Variants in ABL1 observed in about 807,000 individuals in gnomAD.
ABL1 encodes tyrosine-protein kinase ABL1.
ABL1 carries 11 observed loss-of-function variants against 94.7 expected under a neutral mutation model. That is an observed-to-expected ratio of 0.12 (90% CI 0.07 to 0.19). ABL1 has a LOEUF of 0.19. Ranked by LOEUF, ABL1 falls within the 10% of genes least tolerant of loss-of-function variation. ABL1 has a pLI of 1.00. For synonymous variants in ABL1, 656 were observed against 622.4 expected (o/e 1.05, Z -0.80); for missense variants, 1,082 against 1,489.4 (o/e 0.73, Z 4.50).
At chr9:130,766,915 T>C (rs759677158) in intron 1 of ABL1, among the ~76,000 whole-genome samples, 10 of 152,114 alleles carry the variant, frequency 6.6e-5, no homozygotes, top group Non-Finnish European at 1.2e-4. Context: ...CCTCGATGGG[T>C]ACCCATCTCA....
In ABL1 at chr9:130,862,905, A is replaced by G. The variant is rs572239604; in HGVS notation, c.692A>G (p.Asn231Ser). ...NKPTVYGVSP[N>S]YDKWEMERTD... Reference sequence around the variant, plus strand: ...CCCACTGTCTATGGTGTGTCCCCCAACTACGACAAGTGGGAGATGGAACGC... The same window carrying G: ...CCCACTGTCTATGGTGTGTCCCCCAGCTACGACAAGTGGGAGATGGAACGC... The change falls in exon 4 of 11, where the codon AAC becomes AGC. Residue 231 changes from asparagine (N) to serine (S), a missense_variant. Transcript: ENST00000318560. This position sits in a 1 kb window ranked among gnomAD's most constrained non-coding sequence, Gnocchi z 5.5. The G allele has an allele frequency of 2.5e-5, 41 of 1,614,138 alleles. 2 individuals are homozygous for G. In the South Asian group the frequency reaches 3.8e-4, roughly 15 times the overall value.
chr9:130,856,319 C>T (rs1047094391), intron 3 of ABL1, among the ~76,000 whole-genome samples: 1 of 152,106 alleles, frequency 6.6e-6, no homozygotes, highest in Admixed American at 6.5e-5. Context: ...AACTCCTGAC[C>T]TCAGGTGATC....
intron 1 of ABL1, among the ~76,000 whole-genome samples, chr9:130,811,261 C>G (rs1830204260): frequency 1.3e-5 from 2 of 152,072 alleles, no homozygotes; most frequent in Non-Finnish European, 2.9e-5. Context: ...TGCATTCCAG[C>G]CTGGGTGACA....
intron 3 of ABL1, among the ~76,000 whole-genome samples, chr9:130,855,331 G>A (rs1830956779): frequency 1.3e-5 from 2 of 152,070 alleles, no homozygotes; most frequent in South Asian, 2.1e-4. Context: ...GAGTTTTGTT[G>A]TTAGCAAGTT....
intron 1 of ABL1, among the ~76,000 whole-genome samples, chr9:130,852,361 C>A (rs1830881619): frequency 6.6e-6 from 1 of 151,994 alleles, no homozygotes; most frequent in Non-Finnish European, 1.5e-5. Context: ...CGCCACCATG[C>A]CCGGCTAGTT....
At chr9:130,722,994 C>T (rs1831535326) in intron 1 of ABL1, among the ~76,000 whole-genome samples, 1 of 152,138 alleles carries the variant, frequency 6.6e-6, no homozygotes, top group Non-Finnish European at 1.5e-5. Context: ...CAAATAGAAG[C>T]ATTTTTTGAA....
Position 130,880,694 on chromosome 9 carries a change from G to A in ABL1, c.1678+30G>A. 1 of 1,608,476 alleles carries A rather than the reference G, an allele frequency of 6.2e-7. No homozygotes were observed. ...GTCCCCCGCTTCCCCCAACCCCACT[G>A]CTCTTCCCTTCCCTGCCAGAGGCTA... On this transcript the variant is annotated intron_variant, in intron 10 of 10. Coordinates refer to ENST00000318560, the MANE Select transcript of ABL1 (RefSeq NM_005157.6). This position sits in a 1 kb window ranked among gnomAD's most constrained non-coding sequence, Gnocchi z 4.4.
chr9:130,786,704 A>G (rs533954327), intron 1 of ABL1, among the ~76,000 whole-genome samples: 1 of 152,258 alleles, frequency 6.6e-6, no homozygotes, highest in Non-Finnish European at 1.5e-5. Flanking sequence ...CTCCTTCCCT[A>G]GTGCGGCAAG....
chr9:130,878,321 T>C, intron 7 of ABL1, 94 bp from the exon 8 acceptor site: 5 of 1,463,476 alleles, frequency 3.4e-6, no homozygotes, highest in Non-Finnish European at 4.7e-6. Context: ...GGGCCATCCC[T>C]TCTGAGGTCT....
chr9:130,728,704 A>G (rs956340817), intron 1 of ABL1, among the ~76,000 whole-genome samples: 2 of 122,360 alleles, frequency 1.6e-5, no homozygotes, highest in African/African-American at 7.1e-5. Context: ...TTTTTTTTTT[A>G]TAGTTTGTAT....
chr9:130,885,844 A>G lies in ABL1; in HGVS notation c.*161A>G. On this transcript the variant is annotated 3_prime_UTR_variant, in exon 11 of 11. Coordinates refer to ENST00000318560, the MANE Select transcript of ABL1 (RefSeq NM_005157.6). ...TGAGGGCCCTGTGGAGTCCAGCTCT[A>G]CTACCTACGTTTGCACCGCCTGCCC... 3 of 950,346 alleles carry G rather than the reference A, an allele frequency of 3.2e-6. No homozygotes were observed. Among genetic ancestry groups the G allele is most frequent in the Non-Finnish European group, 4.6e-6 (3 of 658,052 alleles). The allele number at this position is 950,346 out of a possible 1,614,324, so 58.9% of individuals were successfully genotyped here.
intron 1 of ABL1, among the ~76,000 whole-genome samples, chr9:130,726,829 C>G (rs1400183676): frequency 6.6e-6 from 1 of 152,288 alleles, no homozygotes; most frequent in East Asian, 1.9e-4. Context: ...AAATTTAGAT[C>G]GATTCCAAAC....
chr9:130,840,786 T>C (rs1830658843), intron 1 of ABL1, among the ~76,000 whole-genome samples: 1 of 152,054 alleles, frequency 6.6e-6, no homozygotes, highest in African/African-American at 2.4e-5. Flanking sequence ...CCCAAAGTGC[T>C]GGGATTACAG....
chr9:130,728,829 G>C (rs1036387565), intron 1 of ABL1, among the ~76,000 whole-genome samples: 1 of 151,982 alleles, frequency 6.6e-6, no homozygotes, highest in Non-Finnish European at 1.5e-5. Flanking sequence ...GAGTCATCTT[G>C]GGGTCTGTTT....
chr9:130,824,911 A>C (rs980771020), intron 1 of ABL1, among the ~76,000 whole-genome samples: 1 of 152,236 alleles, frequency 6.6e-6, no homozygotes, highest in African/African-American at 2.4e-5. Flanking sequence ...CTCTAAGGAC[A>C]GCAGTCATTT....
intron 1 of ABL1, among the ~76,000 whole-genome samples, chr9:130,783,528 T>C (rs555028172): frequency 5.9e-5 from 9 of 152,354 alleles, no homozygotes; most frequent in African/African-American, 2.2e-4. Context: ...TTGTTGGAAT[T>C]AGAAAGTGTC....
intron 1 of ABL1, among the ~76,000 whole-genome samples, chr9:130,784,576 T>C (rs566427101): frequency 5.3e-5 from 8 of 152,346 alleles, no homozygotes; most frequent in African/African-American, 1.9e-4. Flanking sequence ...TGTGAGATTT[T>C]TGTGGAGGTG....
At chr9:130,792,359 A>G (rs1342361537) in intron 1 of ABL1, among the ~76,000 whole-genome samples, 4 of 152,208 alleles carry the variant, frequency 2.6e-5, no homozygotes, top group Non-Finnish European at 5.9e-5. Flanking sequence ...GCATGGTAAC[A>G]TAAGTGAGTC....
At chr9:130,848,808 G>A (rs555954959) in intron 1 of ABL1, among the ~76,000 whole-genome samples, 4 of 148,548 alleles carry the variant, frequency 2.7e-5, no homozygotes, top group East Asian at 4.2e-4. Context: ...GTGTGGTGGC[G>A]GGCACCTGTA....
Sources: gnomAD v4.1 joint callset for allele counts (sites outside exome capture counted in the v4.1 genomes callset) on GRCh38, gnomAD v4.1.1 for gene constraint, Gnocchi (gnomAD v3.1) non-coding constraint, MANE v1.5 for transcripts, NCBI Gene and HGNC (gene_info 2026-07-23, HGNC 2026-07-21) for gene names.